FUT8: variants seen among roughly 807,000 people sequenced by gnomAD.
The protein encoded by FUT8 is fucosyltransferase 8.
A neutral mutation model predicts 71.3 loss-of-function variants in FUT8; 29 were observed. The observed-to-expected ratio is 0.41, with a 90% confidence interval of 0.30 to 0.55. FUT8 has a LOEUF of 0.55. Among genes scored for constraint, FUT8 ranks in the 20% least tolerant of loss-of-function variants. FUT8 has a pLI of 0.34. For synonymous variants in FUT8, 254 were observed against 239.3 expected, an observed-to-expected ratio of 1.06 and a Z score of -0.57; for missense variants, 544 against 702.1, an observed-to-expected ratio of 0.77 and a Z score of 2.55.
rs2065177605 is a variant in FUT8, at chr14:65,413,751, T to G, written c.-326+537T>G. Reference sequence around the variant, plus strand: ...GATGCAGGGCAGTTAAAGGCTTGAGTGCAGCTGTACTCCCTTTTGATGTGC... The same window carrying G: ...GATGCAGGGCAGTTAAAGGCTTGAGGGCAGCTGTACTCCCTTTTGATGTGC... On this transcript the variant is annotated intron_variant, in intron 1 of 10. Transcript: ENST00000673929. This position sits in a 1 kb window ranked among gnomAD's most constrained non-coding sequence, Gnocchi z 4.1. Among the ~76,000 whole-genome samples, 1 of 152,266 alleles carries G rather than the reference T, an allele frequency of 6.6e-6. No individual in the cohort carries two copies. The highest frequency in any genetic ancestry group is 2.1e-4 in the South Asian group (1 of 4,822).
the FUT8 span, among the ~76,000 whole-genome samples, chr14:65,358,805 GTTAT>G: frequency 6.6e-6 from 1 of 152,128 alleles, no homozygotes; most frequent in African/African-American, 2.4e-5. Context: ...GTTTTCTGCT[GTTAT>G]TTGTGTTTTT....
chr14:65,697,341 T>C (rs1031098888), intron 7 of FUT8, among the ~76,000 whole-genome samples: 5 of 152,170 alleles, frequency 3.3e-5, no homozygotes, highest in African/African-American at 1.2e-4. Flanking sequence ...TTCTCCTTAT[T>C]GTTCATCAGT....
At chr14:65,629,180 T>A (rs1481095088) in intron 5 of FUT8, among the ~76,000 whole-genome samples, 2 of 152,236 alleles carry the variant, frequency 1.3e-5, no homozygotes, top group Admixed American at 6.5e-5. Context: ...TTTACTCATT[T>A]GTTTGCTTTG....
At chr14:65,411,280 T>C (rs2065120695), upstream of FUT8, 1 of 152,242 alleles carries the variant, frequency 6.6e-6, no homozygotes, top group Non-Finnish European at 1.5e-5. Context: ...TCTACTTTCC[T>C]TTCAATTTTC....
At chr14:65,371,319 T>G in the FUT8 span, among the ~76,000 whole-genome samples, 1 of 152,348 alleles carries the variant, frequency 6.6e-6, no homozygotes, top group South Asian at 2.1e-4. Context: ...GTATATTTCC[T>G]ACAAACAAGG....
At chr14:65,400,115 A>G in the FUT8 span, among the ~76,000 whole-genome samples, 1 of 152,220 alleles carries the variant, frequency 6.6e-6, no homozygotes, top group Non-Finnish European at 1.5e-5. Flanking sequence ...GGATTGGAAG[A>G]CCTGAATTCT....
the FUT8 span, among the ~76,000 whole-genome samples, chr14:65,389,124 G>A: frequency 1.3e-5 from 2 of 150,386 alleles, no homozygotes; most frequent in Non-Finnish European, 3.0e-5. Context: ...CTCCCAAAGT[G>A]CTGGGATTAC....
chr14:65,518,489 G>GT (rs1882856741), intron 2 of FUT8, among the ~76,000 whole-genome samples: 1 of 152,030 alleles, frequency 6.6e-6, no homozygotes. Flanking sequence ...GTAAGTCACT[G>GT]TAAGAACAGT....
chr14:65,615,990 C>T lies in FUT8; in HGVS notation c.216C>T (p.Gly72=), dbSNP rs766747187. Residue 72 remains glycine, a synonymous_variant, in exon 4 of 11, where the codon GGC becomes GGT. Transcript: ENST00000673929. ...RMAESLRIPE[G]PIDQGPAIGR... ...CCCTAAACTACAGGATACCAGAAGG[C>T]CCTATTGATCAGGGGCCAGCTATAG... The T allele has an allele frequency of 2.5e-6, 4 of 1,611,910 alleles. No homozygotes were observed. The highest frequency in any genetic ancestry group is 2.7e-5 in the African/African-American group (2 of 74,940).
At chr14:65,518,885 T>C (rs921632316) in intron 2 of FUT8, among the ~76,000 whole-genome samples, 1 of 152,198 alleles carries the variant, frequency 6.6e-6, no homozygotes, top group Non-Finnish European at 1.5e-5. Context: ...ATGTATCTTC[T>C]GAGGTTATGA....
chr14:65,577,514 G>C (rs77019382), intron 3 of FUT8, among the ~76,000 whole-genome samples: 7 of 152,082 alleles, frequency 4.6e-5, no homozygotes, highest in African/African-American at 1.4e-4. Flanking sequence ...GAAGATTTTT[G>C]TGTATTAGTA....
chr14:65,602,405 T>G (rs1888349328), intron 3 of FUT8, among the ~76,000 whole-genome samples: 1 of 134,242 alleles, frequency 7.4e-6, no homozygotes, highest in African/African-American at 2.8e-5. Flanking sequence ...ACACACACAG[T>G]TTCTTTATCC....
At chr14:65,624,073 A>G (rs1266327150) in intron 5 of FUT8, among the ~76,000 whole-genome samples, 1 of 152,230 alleles carries the variant, frequency 6.6e-6, no homozygotes, top group East Asian at 1.9e-4. Context: ...TAAATACTGC[A>G]GGATGATAAC....
At chr14:65,700,379 C>CTTTTT (rs1250930619) in intron 7 of FUT8, among the ~76,000 whole-genome samples, 5 of 74,928 alleles carry the variant, frequency 6.7e-5, no homozygotes, top group Non-Finnish European at 1.1e-4. Context: ...TTCTTTCTTT[C>CTTTTT]TGTTTTTTTT....
At chr14:65,565,299 G>A (rs1285422312) in intron 3 of FUT8, among the ~76,000 whole-genome samples, 1 of 151,854 alleles carries the variant, frequency 6.6e-6, no homozygotes, top group African/African-American at 2.4e-5. Context: ...GGTCCCACCT[G>A]CCAATACTGC....
chr14:65,664,610 C>G (rs1248634577), intron 6 of FUT8, among the ~76,000 whole-genome samples: 2 of 152,092 alleles, frequency 1.3e-5, no homozygotes, highest in Non-Finnish European at 1.5e-5. Flanking sequence ...ATGAAAGGTA[C>G]TTCTTCTGGA....
chr14:65,494,494 A>G (rs2066529848), intron 2 of FUT8, among the ~76,000 whole-genome samples: 3 of 152,198 alleles, frequency 2.0e-5, no homozygotes, highest in African/African-American at 7.2e-5. Context: ...CTCCCTCTGT[A>G]TGTAACAAAC....
chr14:65,591,076 G>T (rs114988450), intron 3 of FUT8, among the ~76,000 whole-genome samples: 2,317 of 152,230 alleles, frequency 0.015, 56 homozygotes, highest in African/African-American at 0.053. Context: ...AAACTACTTT[G>T]TCGACATTTT....
At chr14:65,475,292 A>G (rs1421135402) in intron 2 of FUT8, among the ~76,000 whole-genome samples, 2 of 152,206 alleles carry the variant, frequency 1.3e-5, no homozygotes, top group Non-Finnish European at 2.9e-5. Context: ...GTCTCCCAAA[A>G]TGTGATTGAA....
Sources: allele counts gnomAD v4.1 joint callset (sites outside exome capture counted in the v4.1 genomes callset), GRCh38; gene constraint gnomAD v4.1.1; non-coding constraint Gnocchi (gnomAD v3.1); transcripts MANE v1.5; gene names NCBI Gene and HGNC (gene_info 2026-07-23, HGNC 2026-07-21).